The following CTNNA2 variants were observed in gnomAD, a reference collection of about 807,000 sequenced individuals.
CTNNA2 encodes catenin alpha-2.
In CTNNA2, 42 loss-of-function variants were observed where a neutral mutation model predicts 101.0. That is an observed-to-expected ratio of 0.42 (90% confidence interval 0.32 to 0.54). The LOEUF is 0.54. Ranked by LOEUF, CTNNA2 falls within the 20% of genes least tolerant of loss-of-function variation. The probability of loss-of-function intolerance (pLI) is 0.14; values close to 1 mark genes in which losing one functional copy is unlikely to be tolerated. For missense variants in CTNNA2, 871 were observed against 1,223.1 expected (o/e 0.71, Z 4.29); for synonymous variants, 450 against 456.4 (o/e 0.99, Z 0.18).
At chr2:79,552,809 T>C (rs1365214695) in intron 1 of CTNNA2, among the ~76,000 whole-genome samples, 1 of 152,186 alleles carries the variant, frequency 6.6e-6, no homozygotes, top group Admixed American at 6.5e-5. Context: ...GCATTATTTT[T>C]TGAGGCTGCG....
Position 79,603,684 on chromosome 2 carries a change from T to C in CTNNA2, c.-5-47868T>C, listed in dbSNP as rs143963522. 7.2e-5 allele frequency among the ~76,000 whole-genome samples: 11 copies of C among 152,286 alleles called. No individual in the cohort carries two copies. The East Asian group carries it at 2.1e-3, about 29-fold the overall frequency. The stretch of plus-strand genomic sequence containing the variant: ...AGCGTCATACGTATCATAAGACTGA[T>C]AGTGTAAGTACATTTTAAGAGCAAC... On this transcript the variant is annotated intron_variant, in intron 1 of 18. Transcript: ENST00000402739.
chr2:80,300,296 G>A (rs1038000385), intron 7 of CTNNA2, among the ~76,000 whole-genome samples: 3 of 124,806 alleles, frequency 2.4e-5, no homozygotes, highest in African/African-American at 1.1e-4. Context: ...GTGTGTGTGT[G>A]TGTGTGTGTG....
intron 2 of CTNNA2, among the ~76,000 whole-genome samples, chr2:79,207,958 A>T (rs1414860519): frequency 1.3e-5 from 2 of 152,170 alleles, no homozygotes; most frequent in African/African-American, 4.8e-5. Context: ...GTGGGCTCAG[A>T]AACAGTTGGA....
intron 9 of CTNNA2, among the ~76,000 whole-genome samples, chr2:80,447,594 G>T (rs567734291): frequency 6.6e-6 from 1 of 152,194 alleles, no homozygotes; most frequent in Non-Finnish European, 1.5e-5. Flanking sequence ...TAAGCCTAGT[G>T]GGGGAAAAGC....
At chr2:80,134,743 C>T (rs570849208) in intron 7 of CTNNA2, among the ~76,000 whole-genome samples, 1 of 152,314 alleles carries the variant, frequency 6.6e-6, no homozygotes, top group South Asian at 2.1e-4. Context: ...GTGTCACTTG[C>T]TCTGGGCTTG....
At chr2:79,646,301 G>GC (rs1261772495) in intron 1 of CTNNA2, among the ~76,000 whole-genome samples, 1 of 152,124 alleles carries the variant, frequency 6.6e-6, no homozygotes, top group Non-Finnish European at 1.5e-5. Context: ...AAGGAAACAA[G>GC]CCCCTTAACC....
At chr2:80,424,093 T>C (rs1181810632) in intron 9 of CTNNA2, among the ~76,000 whole-genome samples, 2 of 152,072 alleles carry the variant, frequency 1.3e-5, no homozygotes, top group African/African-American at 4.8e-5. Context: ...GTAGCTTGGA[T>C]TACAGGCACC....
chr2:79,861,380 A>G (rs973445396), intron 4 of CTNNA2, among the ~76,000 whole-genome samples: 8 of 152,142 alleles, frequency 5.3e-5, no homozygotes, highest in African/African-American at 1.7e-4. Flanking sequence ...AGCAACTTAT[A>G]TTCATGTTTT....
intron 7 of CTNNA2, among the ~76,000 whole-genome samples, chr2:80,111,458 AG>A (rs1458890609): frequency 1.3e-5 from 2 of 152,208 alleles, no homozygotes; most frequent in African/African-American, 2.4e-5. Flanking sequence ...CAGTCACTTC[AG>A]CTCTCCACAT....
At chr2:80,461,234 C>A (rs1321185571) in intron 9 of CTNNA2, among the ~76,000 whole-genome samples, 1 of 152,184 alleles carries the variant, frequency 6.6e-6, no homozygotes, top group Admixed American at 6.5e-5. Flanking sequence ...TGATCACCCT[C>A]CTTGTCTGAT....
chr2:80,205,722 C>G (rs1329567417), intron 7 of CTNNA2, among the ~76,000 whole-genome samples: 6 of 152,132 alleles, frequency 3.9e-5, no homozygotes, highest in Non-Finnish European at 7.4e-5. Context: ...GCTAAACCTT[C>G]TCTATTGAAA....
At chr2:79,806,719 G>T (rs1469589053) in intron 3 of CTNNA2, among the ~76,000 whole-genome samples, 1 of 151,998 alleles carries the variant, frequency 6.6e-6, no homozygotes, top group Non-Finnish European at 1.5e-5. Context: ...AAAACTAGTG[G>T]TCTCTTGGGG....
intron 18 of CTNNA2, among the ~76,000 whole-genome samples, chr2:80,624,372 C>G (rs1453086494): frequency 6.6e-6 from 1 of 152,008 alleles, no homozygotes; most frequent in Non-Finnish European, 1.5e-5. Flanking sequence ...TAGTCACTTA[C>G]AAGTGCTAAA....
chr2:79,202,348 T>A (rs374052149), intron 2 of CTNNA2, among the ~76,000 whole-genome samples: 3 of 151,570 alleles, frequency 2.0e-5, no homozygotes, highest in Non-Finnish European at 2.9e-5. Context: ...TTTTTTATTT[T>A]TTTTATTTTT....
chr2:80,253,827 C>T (rs1671943029), intron 7 of CTNNA2, among the ~76,000 whole-genome samples: 2 of 152,076 alleles, frequency 1.3e-5, no homozygotes, highest in Admixed American at 1.3e-4. Context: ...GGCCATTAGC[C>T]ACTTTGGGCC....
intron 3 of CTNNA2, among the ~76,000 whole-genome samples, chr2:79,761,493 G>C (rs1672784823): frequency 6.6e-6 from 1 of 152,236 alleles, no homozygotes; most frequent in East Asian, 1.9e-4. Flanking sequence ...AGTGAAATTT[G>C]AGCTCAAGAA....
At chr2:80,191,126 A>G (rs955262185) in intron 7 of CTNNA2, among the ~76,000 whole-genome samples, 2 of 152,350 alleles carry the variant, frequency 1.3e-5, no homozygotes, top group East Asian at 1.9e-4. Flanking sequence ...ATTTTCCTGG[A>G]CTACTTTGCC....
At chr2:79,377,744 T>A (rs74930708) in intron 4 of CTNNA2, among the ~76,000 whole-genome samples, 2 of 152,162 alleles carry the variant, frequency 1.3e-5, no homozygotes, top group Admixed American at 1.3e-4. Flanking sequence ...ATGCATAGCA[T>A]CTAGCCAGGC....
At chr2:79,785,486 T>G (rs1390377965) in intron 3 of CTNNA2, among the ~76,000 whole-genome samples, 5 of 152,186 alleles carry the variant, frequency 3.3e-5, no homozygotes, top group African/African-American at 4.8e-5. Context: ...CAGCGAGGCC[T>G]CCCATGACCA....
Sources: gnomAD v4.1 joint callset for allele counts (sites outside exome capture counted in the v4.1 genomes callset) on GRCh38, gnomAD v4.1.1 for gene constraint, MANE v1.5 for transcripts, NCBI Gene and HGNC (gene_info 2026-07-23, HGNC 2026-07-21) for gene names.